Variants in NCAM1 observed in about 807,000 individuals in gnomAD.
The protein encoded by NCAM1 is neural cell adhesion molecule 1.
In NCAM1, 14 loss-of-function variants were observed where a neutral mutation model predicts 109.8. The ratio of observed to expected loss-of-function variants is 0.13; its 90% CI spans 0.08 to 0.20. The LOEUF is 0.20. NCAM1 is among the 10% of genes least tolerant of loss of function. The probability of loss-of-function intolerance (pLI) is 1.00; values close to 1 mark genes in which losing one functional copy is unlikely to be tolerated. For missense variants in NCAM1, 774 were observed against 1,109.9 expected (o/e 0.70, Z 4.30); for synonymous variants, 418 against 442.9 (o/e 0.94, Z 0.70).
At chr11:113,139,418 CTTT>C in intron 1 of NCAM1, among the ~76,000 whole-genome samples, 2 of 148,064 alleles carry the variant, frequency 1.4e-5, no homozygotes, top group Non-Finnish European at 3.0e-5. Flanking sequence ...CACATGAAGT[CTTT>C]TTTTTTTAAC....
chr11:112,999,811 A>G (rs2134961663), intron 1 of NCAM1, among the ~76,000 whole-genome samples: 1 of 152,312 alleles, frequency 6.6e-6, no homozygotes, highest in South Asian at 2.1e-4. Flanking sequence ...GGCAATTCAT[A>G]ATTGTAGAAT....
chr11:113,123,225 C>A (rs1171662561), intron 1 of NCAM1, among the ~76,000 whole-genome samples: 2 of 152,128 alleles, frequency 1.3e-5, no homozygotes, highest in Non-Finnish European at 2.9e-5. Context: ...ATATTCCCAA[C>A]ACAAAGAAAT....
chr11:113,270,380 G>T lies in NCAM1; in HGVS notation c.2324G>T (p.Gly775Val). 1.2e-6 allele frequency: 2 copies of T among 1,614,012 alleles called. No individual in the cohort carries two copies. Among genetic ancestry groups the T allele is most frequent in the Non-Finnish European group, 1.7e-6 (2 of 1,179,900 alleles). The change falls in exon 18 of 20, where the codon GGC becomes GTC. Residue 775 changes from glycine (G) to valine (V), a missense_variant. Coordinates refer to ENST00000316851, the MANE Select transcript of NCAM1 (RefSeq NM_181351.5). ...PGAKGKDMEEGKAAFSKDESK... is the reference protein window; with the variant it reads ...PGAKGKDMEEVKAAFSKDESK... Reference sequence around the variant, plus strand: ...GCCAAGGGCAAGGACATGGAGGAGGGCAAGGCCGCCTTCTCGTGAGTGCAG... The same window carrying T: ...GCCAAGGGCAAGGACATGGAGGAGGTCAAGGCCGCCTTCTCGTGAGTGCAG...
intron 15 of NCAM1, among the ~76,000 whole-genome samples, chr11:113,253,984 C>T (rs1591462655): frequency 6.6e-6 from 1 of 152,168 alleles, no homozygotes; most frequent in East Asian, 1.9e-4. Flanking sequence ...TCAGAGAATA[C>T]AATTTGTAAA....
At chr11:113,271,073 A>G (rs1446529566) in intron 18 of NCAM1, among the ~76,000 whole-genome samples, 2 of 152,136 alleles carry the variant, frequency 1.3e-5, no homozygotes, top group Admixed American at 6.5e-5. Context: ...ATGTATGTGC[A>G]TGTACTTAGA....
intron 1 of NCAM1, among the ~76,000 whole-genome samples, chr11:113,185,138 A>T (rs566579710): frequency 6.7e-6 from 1 of 150,070 alleles, no homozygotes; most frequent in South Asian, 2.1e-4. Context: ...ATTGGCTTAC[A>T]CAGTTATGGA....
At chr11:113,014,184 T>C (rs1952149055) in intron 1 of NCAM1, among the ~76,000 whole-genome samples, 1 of 152,226 alleles carries the variant, frequency 6.6e-6, no homozygotes, top group Non-Finnish European at 1.5e-5. Context: ...TAGCTGAGAA[T>C]ACTTTTAGAA....
intron 1 of NCAM1, among the ~76,000 whole-genome samples, chr11:113,056,930 A>G (rs1953733649): frequency 6.6e-6 from 1 of 152,248 alleles, no homozygotes; most frequent in Admixed American, 6.5e-5. Flanking sequence ...TTACATTCAT[A>G]GAATCGTTTA....
chr11:113,187,563 C>CTGTG (rs33947463), intron 1 of NCAM1, among the ~76,000 whole-genome samples: 18,852 of 147,108 alleles, frequency 0.13, 1,269 homozygotes, highest in East Asian at 0.21. Flanking sequence ...GTGTGTGTTT[C>CTGTG]TGTGTGTGTG....
chr11:113,035,887 G>A (rs1396754116), intron 1 of NCAM1, among the ~76,000 whole-genome samples: 1 of 152,074 alleles, frequency 6.6e-6, no homozygotes, highest in Non-Finnish European at 1.5e-5. Context: ...TATGCCTTTG[G>A]CTGGGAGGTC....
chr11:113,157,136 GACAC>G (rs112454729), intron 1 of NCAM1, among the ~76,000 whole-genome samples: 111 of 146,944 alleles, frequency 7.6e-4, no homozygotes, highest in African/African-American at 2.1e-3. Flanking sequence ...GTTTCCCTGA[GACAC>G]ACACACACAC....
At chr11:113,237,463 G>C (rs1945197833) in intron 14 of NCAM1, among the ~76,000 whole-genome samples, 1 of 152,212 alleles carries the variant, frequency 6.6e-6, no homozygotes, top group Non-Finnish European at 1.5e-5. Context: ...CAGCAGAGTT[G>C]GTGCCGGGAT....
chr11:113,105,032 T>A (rs1940089504), intron 1 of NCAM1, among the ~76,000 whole-genome samples: 1 of 152,250 alleles, frequency 6.6e-6, no homozygotes, highest in African/African-American at 2.4e-5. Flanking sequence ...TTGATCTGCT[T>A]CAGGCATTAG....
intron 1 of NCAM1, among the ~76,000 whole-genome samples, chr11:113,177,488 C>T (rs1943195861): frequency 6.6e-6 from 1 of 152,186 alleles, no homozygotes; most frequent in African/African-American, 2.4e-5. Context: ...GGCTGGAGTG[C>T]AGTGGCACGA....
At position 113,100,822 on chromosome 11, in the gene NCAM1, G is replaced by A. The variant is rs116901327; in HGVS notation, c.53-101557G>A. Among the ~76,000 whole-genome samples the A allele has an allele frequency of 3.9e-4, 59 of 152,218 alleles. No individual in the cohort carries two copies. The East Asian group carries it at 8.9e-3, about 23-fold the overall frequency. On this transcript the variant is annotated intron_variant, in intron 1 of 19. Coordinates refer to ENST00000316851, the MANE Select transcript of NCAM1 (RefSeq NM_181351.5). ...GGATGTGAAGTTCTCATTTATGGCC[G>A]CGGGCCCAGGCTTGTGAGTGGGGCT...
intron 1 of NCAM1, among the ~76,000 whole-genome samples, chr11:113,169,996 A>G (rs1361049569): frequency 6.6e-6 from 1 of 152,108 alleles, no homozygotes; most frequent in Admixed American, 6.5e-5. Flanking sequence ...ATTTCCAGGC[A>G]TCTTCATTTT....
Position 113,207,854 on chromosome 11 carries a change from A to G in NCAM1, c.768A>G (p.Gln256=), listed in dbSNP as rs1555113129. The part of the protein sequence containing the change: ...SWTKDGEQIE[Q]EEDDEKYIFS... ...CTAGGGATGGGGAACAGATAGAGCA[A>G]GAGGAAGACGATGAGAAGTACATCT... The change falls in exon 7 of 20, where the codon CAA becomes CAG. Residue 256 remains glutamine, a synonymous_variant. Transcript: ENST00000316851. The G allele has an allele frequency of 1.2e-6, 2 of 1,611,344 alleles. No individual in the cohort carries two copies. The highest frequency in any genetic ancestry group is 1.1e-5 in the South Asian group (1 of 90,158).
At chr11:113,109,496 G>A (rs1174413247) in intron 1 of NCAM1, among the ~76,000 whole-genome samples, 1 of 152,096 alleles carries the variant, frequency 6.6e-6, no homozygotes, top group Non-Finnish European at 1.5e-5. Flanking sequence ...TATTAAAATG[G>A]AATCAAATAT....
chr11:113,046,868 G>A (rs1953286825), intron 1 of NCAM1, among the ~76,000 whole-genome samples: 1 of 79,028 alleles, frequency 1.3e-5, no homozygotes, highest in Admixed American at 1.6e-4. Context: ...AAGAAAGAAA[G>A]GAAGGAAGGA....
Sources: gnomAD v4.1 joint callset for allele counts (sites outside exome capture counted in the v4.1 genomes callset) on GRCh38, gnomAD v4.1.1 for gene constraint, MANE v1.5 for transcripts, NCBI Gene and HGNC (gene_info 2026-07-23, HGNC 2026-07-21) for gene names.